Variants in TAPT1 observed in about 807,000 individuals in gnomAD.
TAPT1 encodes the protein transmembrane anterior posterior transformation protein 1 homolog.
In TAPT1, 28 loss-of-function variants were observed where a neutral mutation model predicts 65.6. That is an observed-to-expected ratio of 0.43 (90% CI 0.32 to 0.59). The LOEUF (loss-of-function observed/expected upper bound fraction) is 0.59, where lower values mean the gene tolerates loss of function less well. Ranked by LOEUF, TAPT1 falls within the 20% of genes least tolerant of loss-of-function variation. The pLI is 0.09. For missense variants in TAPT1, 563 were observed against 679.9 expected, an observed-to-expected ratio of 0.83 and a Z score of 1.91; for synonymous variants, 278 against 245.2, an observed-to-expected ratio of 1.13 and a Z score of -1.25.
intron 4 of TAPT1, among the ~76,000 whole-genome samples, chr4:16,189,356 T>C (rs1056680974): frequency 1.3e-5 from 2 of 152,202 alleles, no homozygotes; most frequent in African/African-American, 2.4e-5. Flanking sequence ...ATCTCTCACC[T>C]GTAGAATATA....
In TAPT1 at chr4:16,221,015, T is replaced by C. The variant is rs368628884; in HGVS notation, c.199+5244A>G. The stretch of plus-strand genomic sequence containing the variant: ...TCTCCAAGTGCTACGATTATAGGTG[T>C]GAGCTACCGTGCCCAGCCGTCAACT... On this transcript the variant is annotated intron_variant, in intron 1 of 13. Transcript: ENST00000405303. Among the ~76,000 whole-genome samples, 99 of 151,896 alleles carry C rather than the reference T, an allele frequency of 6.5e-4. 1 individual carries two copies. The highest frequency in any genetic ancestry group is 2.2e-3 in the African/African-American group (92 of 41,334).
chr4:16,166,817 CA>C (rs1261694414), intron 12 of TAPT1, 24 bp from the exon 13 acceptor site: 3 of 1,610,570 alleles, frequency 1.9e-6, no homozygotes, highest in Non-Finnish European at 2.5e-6. Context: ...CAAAACAAAC[CA>C]CATCCGTTGG....
chr4:16,171,201 T>C (rs1237253650), intron 11 of TAPT1, among the ~76,000 whole-genome samples: 1 of 152,228 alleles, frequency 6.6e-6, no homozygotes, highest in Non-Finnish European at 1.5e-5. Context: ...TCTTTGACTC[T>C]TTTATGAACC....
chr4:16,226,142 C>T (rs1751541888), intron 1 of TAPT1, 117 bp downstream of exon 1: 20 of 1,032,744 alleles, frequency 1.9e-5, no homozygotes, highest in East Asian at 7.2e-5. Context: ...CCTGGGGAGC[C>T]CCGGGAGGCA....
chr4:16,166,823 C>T (rs377005891), intron 12 of TAPT1, 30 bp from the exon 13 acceptor site: 324 of 1,608,614 alleles, frequency 2.0e-4, no homozygotes, highest in Non-Finnish European at 2.5e-4. Flanking sequence ...AAACCACATC[C>T]GTTGGAATTC....
intron 4 of TAPT1, among the ~76,000 whole-genome samples, chr4:16,188,724 T>G (rs1749171862): frequency 1.3e-5 from 2 of 151,970 alleles, no homozygotes; most frequent in Non-Finnish European, 2.9e-5. Flanking sequence ...ATTGAGACCA[T>G]CCTGGCTAAC....
At chr4:16,171,006 C>T (rs546001639) in intron 11 of TAPT1, among the ~76,000 whole-genome samples, 13 of 152,154 alleles carry the variant, frequency 8.5e-5, no homozygotes, top group Non-Finnish European at 1.3e-4. Context: ...TCTCTAAGTT[C>T]GGCCCTATAC....
chr4:16,186,013 T>C (rs1318543725), intron 7 of TAPT1, among the ~76,000 whole-genome samples: 1 of 152,236 alleles, frequency 6.6e-6, no homozygotes, highest in African/African-American at 2.4e-5. Context: ...GGGGGCTCCA[T>C]GATCCACCAC....
chr4:16,176,793 G>C (rs574310008), intron 8 of TAPT1: 1 of 152,356 alleles, frequency 6.6e-6, no homozygotes, highest in Admixed American at 6.5e-5. Flanking sequence ...GAGAGCCTCT[G>C]CCTTCACGAA....
intron 7 of TAPT1, among the ~76,000 whole-genome samples, chr4:16,186,259 T>C (rs1749012513): frequency 6.6e-6 from 1 of 152,204 alleles, no homozygotes; most frequent in South Asian, 2.1e-4. Context: ...ATCTATAAAA[T>C]GGAAAAATAC....
intron 6 of TAPT1, 33 bp from the exon 7 acceptor site, chr4:16,186,637 A>T (rs1388945409): frequency 6.9e-7 from 1 of 1,456,686 alleles, no homozygotes; most frequent in East Asian, 2.4e-5. Flanking sequence ...CATCTTTATG[A>T]TTATAACAGT....
intron 1 of TAPT1, among the ~76,000 whole-genome samples, chr4:16,215,156 C>T (rs570576982): frequency 1.1e-4 from 16 of 151,988 alleles, no homozygotes; most frequent in African/African-American, 3.9e-4. Context: ...CCGGGCGTGC[C>T]GGTGGGCGCC....
chr4:16,205,295 G>C (rs1750274745), intron 2 of TAPT1, among the ~76,000 whole-genome samples: 1 of 152,152 alleles, frequency 6.6e-6, no homozygotes, highest in Non-Finnish European at 1.5e-5. Context: ...TGGAAATTCT[G>C]AATACCATCT....
intron 2 of TAPT1, among the ~76,000 whole-genome samples, chr4:16,207,539 TC>T (rs1443485808): frequency 6.6e-6 from 1 of 152,216 alleles, no homozygotes; most frequent in African/African-American, 2.4e-5. Context: ...ACAGGCAAAC[TC>T]ATTCAATGAA....
intron 10 of TAPT1, 26 bp from the exon 11 acceptor site, chr4:16,174,298 T>A (rs375458093): frequency 6.3e-6 from 10 of 1,576,880 alleles, no homozygotes; most frequent in Non-Finnish European, 8.6e-6. Context: ...AGCAAAAGAT[T>A]CAGATTTATG....
chr4:16,211,195 G>A (rs2149710356), intron 2 of TAPT1, among the ~76,000 whole-genome samples: 1 of 149,996 alleles, frequency 6.7e-6, no homozygotes, highest in East Asian at 2.0e-4. Context: ...TTCCTGAAAA[G>A]GTTAGGTGAA....
At chr4:16,187,701 C>T (rs1047916568) in intron 5 of TAPT1, among the ~76,000 whole-genome samples, 5 of 152,032 alleles carry the variant, frequency 3.3e-5, no homozygotes, top group South Asian at 2.1e-4. Context: ...TACACACAAA[C>T]ATGTACACTG....
intron 2 of TAPT1, among the ~76,000 whole-genome samples, chr4:16,206,271 T>C (rs1750337972): frequency 6.6e-6 from 1 of 152,238 alleles, no homozygotes; most frequent in African/African-American, 2.4e-5. Flanking sequence ...TGATTTTAAT[T>C]TGTAGGACTA....
chr4:16,203,228 C>T (rs1750142411), intron 2 of TAPT1, among the ~76,000 whole-genome samples: 1 of 152,190 alleles, frequency 6.6e-6, no homozygotes, highest in African/African-American at 2.4e-5. Context: ...CACCACTAGG[C>T]TAACAAACTC....
Sources: allele counts gnomAD v4.1 joint callset (sites outside exome capture counted in the v4.1 genomes callset), GRCh38; gene constraint gnomAD v4.1.1; transcripts MANE v1.5; gene names NCBI Gene and HGNC (gene_info 2026-07-23, HGNC 2026-07-21).